IL1RAPL2: variants seen among roughly 807,000 people sequenced by gnomAD.
The protein encoded by IL1RAPL2 is interleukin 1 receptor accessory protein like 2.
IL1RAPL2 carries 3 observed loss-of-function variants against 44.1 expected under a neutral mutation model. The observed-to-expected ratio is 0.07, with a 90% confidence interval of 0.03 to 0.18. IL1RAPL2 has a LOEUF of 0.18. IL1RAPL2 is among the 10% of genes least tolerant of loss of function. The pLI is 1.00. For missense variants in IL1RAPL2, 391 were observed against 496.4 expected (o/e 0.79, Z 2.02); for synonymous variants, 181 against 178.8 (o/e 1.01, Z -0.10).
At chrX:105,406,172 T>C in intron 5 of IL1RAPL2, 9 of 1,161,905 alleles carry the variant, frequency 7.7e-6, no homozygotes, top group South Asian at 1.8e-5. Flanking sequence ...AATCAATTTG[T>C]TTCCCTGAAT....
At chrX:104,628,459 G>T (rs1224596550) in intron 1 of IL1RAPL2, among the ~76,000 whole-genome samples, 2 of 111,004 alleles carry the variant, frequency 1.8e-5, no homozygotes, top group Non-Finnish European at 3.8e-5. Flanking sequence ...GTATTTCTGT[G>T]CCTGGCTTAT....
At chrX:105,044,833 C>A (rs1216579009) in intron 2 of IL1RAPL2, among the ~76,000 whole-genome samples, 2 of 111,100 alleles carry the variant, frequency 1.8e-5, no homozygotes, top group African/African-American at 3.3e-5. Context: ...GTAGGCCCAG[C>A]TGAGGACAGC....
intron 2 of IL1RAPL2, among the ~76,000 whole-genome samples, chrX:105,132,175 GA>G (rs1387473719): frequency 2.8e-5 from 3 of 107,182 alleles, no homozygotes; most frequent in African/African-American, 1.0e-4. Flanking sequence ...AAAAAAAAAA[GA>G]AAAAGAAAAT....
intron 3 of IL1RAPL2, among the ~76,000 whole-genome samples, chrX:105,200,917 A>C (rs781901250): frequency 6.7e-5 from 7 of 105,062 alleles, no homozygotes; most frequent in South Asian, 4.0e-4. Flanking sequence ...TTTCACACCC[A>C]CACACACACA....
intron 2 of IL1RAPL2, among the ~76,000 whole-genome samples, chrX:105,187,406 T>C (rs1356159598): frequency 9.0e-6 from 1 of 111,566 alleles, no homozygotes; most frequent in Non-Finnish European, 1.9e-5. Flanking sequence ...TCCACCATGT[T>C]GGCTTACTTC....
chrX:105,525,480 T>C (rs901623125), intron 6 of IL1RAPL2, among the ~76,000 whole-genome samples: 2 of 111,298 alleles, frequency 1.8e-5, no homozygotes, highest in African/African-American at 6.5e-5. Flanking sequence ...TTTTGCCGTG[T>C]TTACTCCCTC....
At chrX:105,576,232 A>C (rs1178843951) in intron 6 of IL1RAPL2, among the ~76,000 whole-genome samples, 1 of 110,791 alleles carries the variant, frequency 9.0e-6, no homozygotes, top group Non-Finnish European at 1.9e-5. Flanking sequence ...ATCTTTGCTC[A>C]TTCCTATATC....
intron 2 of IL1RAPL2, among the ~76,000 whole-genome samples, chrX:104,912,005 A>C (rs750999758): frequency 9.0e-6 from 1 of 110,942 alleles, no homozygotes; most frequent in South Asian, 3.8e-4. Flanking sequence ...TCTTCTTCCT[A>C]CCTTTTACTC....
At chrX:105,642,922 C>T (rs2037579383) in intron 6 of IL1RAPL2, among the ~76,000 whole-genome samples, 1 of 112,941 alleles carries the variant, frequency 8.9e-6, no homozygotes, top group South Asian at 3.6e-4. Flanking sequence ...ATGCTTTGCT[C>T]AAAACATAGT....
intron 2 of IL1RAPL2, among the ~76,000 whole-genome samples, chrX:104,986,833 A>G (rs1306995124): frequency 8.9e-6 from 1 of 112,254 alleles, no homozygotes; most frequent in African/African-American, 3.2e-5. Context: ...GATTTTGTGT[A>G]TAGAAACAAC....
intron 2 of IL1RAPL2, among the ~76,000 whole-genome samples, chrX:105,060,585 C>CTTTTTTTTTTTTT (rs1161187469): frequency 4.9e-4 from 34 of 70,065 alleles, no homozygotes; most frequent in African/African-American, 6.8e-4. Context: ...TTTTCTTTTT[C>CTTTTTTTTTTTTT]TTTTTTTTTT....
chrX:104,769,203 A>G (rs1000579856), intron 2 of IL1RAPL2, among the ~76,000 whole-genome samples: 4 of 111,743 alleles, frequency 3.6e-5, no homozygotes, highest in African/African-American at 1.3e-4. Context: ...ATGTCTTTAG[A>G]TCTCTCAACA....
chrX:104,893,802 G>A (rs916007900), intron 2 of IL1RAPL2, among the ~76,000 whole-genome samples: 3 of 111,388 alleles, frequency 2.7e-5, no homozygotes, highest in African/African-American at 9.8e-5. Context: ...GGTTAATATT[G>A]TTATGTGTGA....
chrX:105,475,649 A>G (rs2036193192), intron 5 of IL1RAPL2, among the ~76,000 whole-genome samples: 1 of 109,572 alleles, frequency 9.1e-6, no homozygotes, highest in Non-Finnish European at 1.9e-5. Flanking sequence ...ACTTGAGGGG[A>G]AAAAGGCAAC....
intron 5 of IL1RAPL2, among the ~76,000 whole-genome samples, chrX:105,308,183 T>A (rs2034766552): frequency 9.0e-6 from 1 of 111,490 alleles, no homozygotes; most frequent in Admixed American, 9.5e-5. Flanking sequence ...CTTTCCATAT[T>A]CATAACATTT....
chrX:104,906,879 A>G (rs1038580227), intron 2 of IL1RAPL2, among the ~76,000 whole-genome samples: 1 of 110,055 alleles, frequency 9.1e-6, no homozygotes, highest in Admixed American at 9.7e-5. Flanking sequence ...TCAGAAGGAA[A>G]CTAGTTCCTC....
At chrX:105,191,485 G>T (rs1403589498) in intron 2 of IL1RAPL2, among the ~76,000 whole-genome samples, 1 of 112,084 alleles carries the variant, frequency 8.9e-6, no homozygotes, top group Non-Finnish European at 1.9e-5. Context: ...AGAATGCTGG[G>T]ATTACAGCTG....
In IL1RAPL2 at chrX:104,725,650, T is replaced by C. The variant is rs891921609; in HGVS notation, c.82+66655T>C. Reference sequence around the variant, plus strand: ...TAATGACCAGTGATGATGAGCTATTTTTCATATGTTTGTTGGCTGCATAAA... The same window carrying C: ...TAATGACCAGTGATGATGAGCTATTCTTCATATGTTTGTTGGCTGCATAAA... On this transcript the variant is annotated intron_variant, in intron 2 of 10. Transcript: ENST00000372582. Among the ~76,000 whole-genome samples the C allele has an allele frequency of 2.7e-5, 3 of 112,528 alleles. No individual in the cohort carries two copies. The Admixed American group carries it at 2.8e-4, about 11-fold the overall frequency.
At chrX:105,482,542 C>A (rs1225902700) in intron 5 of IL1RAPL2, among the ~76,000 whole-genome samples, 1 of 111,620 alleles carries the variant, frequency 9.0e-6, no homozygotes, top group Admixed American at 9.6e-5. Flanking sequence ...TCAGGCAGCT[C>A]AGGTATTAGG....
Sources: gnomAD v4.1 joint callset for allele counts (sites outside exome capture counted in the v4.1 genomes callset) on GRCh38, gnomAD v4.1.1 for gene constraint, MANE v1.5 for transcripts, NCBI Gene and HGNC (gene_info 2026-07-23, HGNC 2026-07-21) for gene names.